RPTOR: variants seen among roughly 807,000 people sequenced by gnomAD.
The protein encoded by RPTOR is regulatory-associated protein of mTOR.
Under a neutral mutation model 169.9 loss-of-function variants are expected in RPTOR, and 21 were observed. That is an observed-to-expected ratio of 0.12 (90% CI 0.09 to 0.18). RPTOR has a LOEUF of 0.18. Among genes scored for constraint, RPTOR ranks in the 10% least tolerant of loss-of-function variants. The pLI, the probability that RPTOR is intolerant of heterozygous loss-of-function variation, is 1.00. For missense variants in RPTOR, 1,133 were observed against 1,855.9 expected, an observed-to-expected ratio of 0.61 and a Z score of 7.16; for synonymous variants, 732 against 753.2, an observed-to-expected ratio of 0.97 and a Z score of 0.46.
chr17:80,569,701 C>T (rs1270554148), intron 1 of RPTOR, among the ~76,000 whole-genome samples: 1 of 152,100 alleles, frequency 6.6e-6, no homozygotes, highest in Non-Finnish European at 1.5e-5. Context: ...GAAGTTGAGG[C>T]AAAATCTATA....
intron 29 of RPTOR, among the ~76,000 whole-genome samples, chr17:80,958,315 T>C (rs1350493182): frequency 6.6e-6 from 1 of 151,680 alleles, no homozygotes; most frequent in African/African-American, 2.4e-5. Flanking sequence ...TGGTCTCGAA[T>C]TCCTGGCTCC....
chr17:80,694,908 A>G (rs1567861709), intron 3 of RPTOR, among the ~76,000 whole-genome samples: 1 of 152,164 alleles, frequency 6.6e-6, no homozygotes, highest in Non-Finnish European at 1.5e-5. Context: ...CCAGAGACTC[A>G]GCACCACGGG....
intron 1 of RPTOR, among the ~76,000 whole-genome samples, chr17:80,599,562 G>A (rs2065170406): frequency 6.6e-6 from 1 of 152,190 alleles, no homozygotes; most frequent in Non-Finnish European, 1.5e-5. Context: ...AGTGCTGCTG[G>A]CTGCCTGAAG....
In RPTOR at chr17:80,698,037, G is replaced by T. The variant is rs185312243; in HGVS notation, c.349-9804G>T. Among the ~76,000 whole-genome samples the T allele has an allele frequency of 1.1e-3, 161 of 152,320 alleles. 2 individuals carry two copies. The highest frequency in any genetic ancestry group is 3.6e-3 in the African/African-American group (151 of 41,566). The stretch of plus-strand genomic sequence containing the variant: ...GGTTGAGTTTCTGCTGGCTGATTTG[G>T]TGGGGCCAGCGAGTAGACAAGGATC... On this transcript the variant is annotated intron_variant, in intron 3 of 33. Coordinates refer to ENST00000306801, the MANE Select transcript of RPTOR (RefSeq NM_020761.3).
At chr17:80,694,805 A>C (rs1598229583) in intron 3 of RPTOR, among the ~76,000 whole-genome samples, 1 of 152,142 alleles carries the variant, frequency 6.6e-6, no homozygotes, top group South Asian at 2.1e-4. Flanking sequence ...TCCTGGCTTC[A>C]CTGCCTCTTG....
intron 27 of RPTOR, among the ~76,000 whole-genome samples, chr17:80,948,119 G>A (rs1308775930): frequency 3.9e-5 from 6 of 152,236 alleles, no homozygotes; most frequent in African/African-American, 2.4e-5. Flanking sequence ...AGGCAGGCGG[G>A]GGAGGCCAGC....
chr17:80,962,681 G>A (rs1343984044), intron 32 of RPTOR, 104 bp downstream of exon 32: 2 of 1,179,960 alleles, frequency 1.7e-6, no homozygotes, highest in Non-Finnish European at 2.4e-6. Context: ...AAGGAGGGCA[G>A]GGGAGGATTT....
rs1041748538 is a variant in RPTOR, at chr17:80,609,265, G to T, written c.163-16426G>T. Among the ~76,000 whole-genome samples the T allele has an allele frequency of 1.3e-5, 2 of 152,216 alleles. No individual in the cohort carries two copies. The highest frequency in any genetic ancestry group is 4.8e-5 in the African/African-American group (2 of 41,462). On this transcript the variant is annotated intron_variant, in intron 1 of 33. Coordinates refer to ENST00000306801, the MANE Select transcript of RPTOR (RefSeq NM_020761.3). The surrounding 1 kb of genome is among the most constrained non-coding windows in gnomAD (Gnocchi z 4.8). ...ACTGTGAGCAGCGCAGGTCGGAAGA[G>T]GCATTTGGAAATGACACGCTCTGTC...
chr17:80,609,609 A>G lies in RPTOR; in HGVS notation c.163-16082A>G, dbSNP rs927889373. ...AAAATAGAAAAATTAGCCGGGCATGATGGCGCACGCCTGTAATTCCGGCTA... is the reference window on the plus strand; with the variant it reads ...AAAATAGAAAAATTAGCCGGGCATGGTGGCGCACGCCTGTAATTCCGGCTA... On this transcript the variant is annotated intron_variant, in intron 1 of 33. Transcript: ENST00000306801. This position sits in a 1 kb window ranked among gnomAD's most constrained non-coding sequence, Gnocchi z 4.8. Among the ~76,000 whole-genome samples the G allele has an allele frequency of 5.9e-5, 9 of 152,074 alleles. No individual in the cohort carries two copies. The highest frequency in any genetic ancestry group is 2.2e-4 in the African/African-American group (9 of 41,414).
chr17:80,931,898 GC>G (rs1201125220), intron 24 of RPTOR, among the ~76,000 whole-genome samples: 1 of 132,654 alleles, frequency 7.5e-6, no homozygotes, highest in East Asian at 2.7e-4. Flanking sequence ...AGAGAGAGAA[GC>G]CCCCCAAGGT....
chr17:80,912,775 A>G (rs2068628221), intron 21 of RPTOR, among the ~76,000 whole-genome samples: 1 of 152,194 alleles, frequency 6.6e-6, no homozygotes, highest in South Asian at 2.1e-4. Flanking sequence ...TAGCAACTCG[A>G]ACACACGGCT....
chr17:80,567,919 T>C (rs929581748), intron 1 of RPTOR, among the ~76,000 whole-genome samples: 2 of 152,056 alleles, frequency 1.3e-5, no homozygotes. Flanking sequence ...TCTTTTTTTT[T>C]ATTCTGAGAC....
chr17:80,856,599 C>T (rs961275393), intron 12 of RPTOR, among the ~76,000 whole-genome samples: 13 of 152,168 alleles, frequency 8.5e-5, no homozygotes, highest in African/African-American at 3.1e-4. Flanking sequence ...CCTGAGGCCA[C>T]AAATAGCTTG....
intron 1 of RPTOR, among the ~76,000 whole-genome samples, chr17:80,557,182 A>G (rs1459773180): frequency 1.3e-5 from 2 of 152,220 alleles, no homozygotes; most frequent in African/African-American, 4.8e-5. Flanking sequence ...CTAGAGCTAG[A>G]GTTTTAACAA....
chr17:80,593,627 A>G (rs1017902593), intron 1 of RPTOR: 1 of 153,384 alleles, frequency 6.5e-6, no homozygotes, highest in Admixed American at 6.5e-5. Context: ...CCTGTGCTTC[A>G]GTTGAATCAA....
intron 5 of RPTOR, among the ~76,000 whole-genome samples, chr17:80,751,913 A>G (rs9902435): frequency 0.42 from 64,572 of 152,120 alleles, 14,395 homozygotes; most frequent in Non-Finnish European, 0.49. Context: ...GTTGTTCCAC[A>G]TCCCCAGCCT....
intron 1 of RPTOR, among the ~76,000 whole-genome samples, chr17:80,582,541 CTTTTTT>C (rs5822359): frequency 3.5e-5 from 3 of 86,860 alleles, no homozygotes; most frequent in Non-Finnish European, 2.2e-5. Context: ...GACAAATGGG[CTTTTTT>C]TTTTTTTTTT....
At chr17:80,854,544 A>G (rs905573667) in intron 11 of RPTOR, among the ~76,000 whole-genome samples, 3 of 152,214 alleles carry the variant, frequency 2.0e-5, no homozygotes, top group African/African-American at 7.2e-5. Flanking sequence ...GTGGAAAAGA[A>G]TCATGTACAT....
chr17:80,631,075 C>G (rs1182941775), intron 2 of RPTOR, among the ~76,000 whole-genome samples: 1 of 152,144 alleles, frequency 6.6e-6, no homozygotes, highest in East Asian at 1.9e-4. Context: ...TGCTCCTATC[C>G]CAGGAGTAGG....
Sources: gnomAD v4.1 joint callset for allele counts (sites outside exome capture counted in the v4.1 genomes callset) on GRCh38, gnomAD v4.1.1 for gene constraint, Gnocchi (gnomAD v3.1) non-coding constraint, MANE v1.5 for transcripts, NCBI Gene and HGNC (gene_info 2026-07-23, HGNC 2026-07-21) for gene names.